ABCA12: variants seen among roughly 807,000 people sequenced by gnomAD.
The protein encoded by ABCA12 is ATP binding cassette subfamily A member 12, also known as glucosylceramide transporter ABCA12.
In ABCA12, 156 loss-of-function variants were observed where a neutral mutation model predicts 293.5. That is an observed-to-expected ratio of 0.53 (90% confidence interval 0.47 to 0.61). The LOEUF (loss-of-function observed/expected upper bound fraction) is 0.61, where lower values mean the gene tolerates loss of function less well. Among genes scored for constraint, ABCA12 ranks in the 20% least tolerant of loss-of-function variants. The probability of loss-of-function intolerance (pLI) is 0.00; values close to 1 mark genes in which losing one functional copy is unlikely to be tolerated. For missense variants in ABCA12, 2,797 were observed against 3,090.2 expected, an observed-to-expected ratio of 0.91 and a Z score of 2.25; for synonymous variants, 1,063 against 1,108.0, an observed-to-expected ratio of 0.96 and a Z score of 0.81.
chr2:214,963,481 G>C (rs1186065202), intron 39 of ABCA12, among the ~76,000 whole-genome samples: 1 of 151,746 alleles, frequency 6.6e-6, no homozygotes, highest in East Asian at 1.9e-4. Context: ...AATTCTACCA[G>C]AGTATAAAGA....
intron 22 of ABCA12, among the ~76,000 whole-genome samples, chr2:214,999,196 T>C (rs895437049): frequency 2.0e-5 from 3 of 152,198 alleles, no homozygotes; most frequent in African/African-American, 4.8e-5. Flanking sequence ...AATTTTGTTT[T>C]GGTTCAGGTA....
chr2:215,035,130 T>A (rs12615195), intron 8 of ABCA12, among the ~76,000 whole-genome samples: 35,731 of 152,022 alleles, frequency 0.24, 4,424 homozygotes, highest in East Asian at 0.39. Flanking sequence ...TCCCTGAAAG[T>A]TTCCTAGAAA....
intron 4 of ABCA12, 127 bp downstream of exon 4, chr2:215,054,446 A>T: frequency 1.2e-6 from 1 of 808,896 alleles, no homozygotes; most frequent in Non-Finnish European, 2.1e-6. Context: ...AGGAACGTTT[A>T]GATCTCACAG....
Position 214,933,993 on chromosome 2 carries a change from T to A in ABCA12, c.7680+85A>T. On this transcript the variant is annotated intron_variant, in intron 52 of 52. Transcript: ENST00000272895. ...GATATTAATTCAATTAAAAACAAAT[T>A]GAATGTAATTAAAAAGAAATAACCA... 1.2e-5 allele frequency: 17 copies of A among 1,412,126 alleles called. 1 individual carries two copies. In the South Asian group the frequency reaches 2.0e-4, roughly 16 times the overall value. The allele number at this position is 1,412,126 out of a possible 1,614,324, so 87.5% of individuals were successfully genotyped here.
Position 215,108,711 on chromosome 2 carries a change from T to A in ABCA12, c.163+2886A>T, listed in dbSNP as rs544001892. The stretch of plus-strand genomic sequence containing the variant: ...GAAACAAAGAAAAACAAGAGCAATT[T>A]AAAAAACAGGATAAAAGCATCTAAA... On this transcript the variant is annotated intron_variant, in intron 2 of 52. Coordinates refer to ENST00000272895, the MANE Select transcript of ABCA12 (RefSeq NM_173076.3). Among the ~76,000 whole-genome samples the A allele has an allele frequency of 2.0e-5, 3 of 152,200 alleles. No individual in the cohort carries two copies. The South Asian group carries it at 6.2e-4, about 32-fold the overall frequency.
chr2:215,060,526 TA>T (rs1701508520), intron 3 of ABCA12, among the ~76,000 whole-genome samples: 1 of 152,084 alleles, frequency 6.6e-6, no homozygotes, highest in African/African-American at 2.4e-5. Context: ...AACTATGTAG[TA>T]ACAAAAATGT....
chr2:215,064,755 A>G (rs1701609078), intron 2 of ABCA12, among the ~76,000 whole-genome samples: 1 of 151,416 alleles, frequency 6.6e-6, no homozygotes, highest in African/African-American at 2.4e-5. Flanking sequence ...AAAAATCCAA[A>G]AGATTGTATC....
rs374464976 is a variant in ABCA12, at chr2:215,011,925, A to G, written c.2121+46T>C. On this transcript the variant is annotated intron_variant, in intron 16 of 52. Coordinates refer to ENST00000272895, the MANE Select transcript of ABCA12 (RefSeq NM_173076.3). ...GAATGTATTATAACTACTCAATATG[A>G]CAGAAGGCATTTTTCAACAAGAACA... The G allele has an allele frequency of 2.8e-5, 45 of 1,589,272 alleles. 1 individual carries two copies. The African/African-American group carries it at 5.8e-4, about 21-fold the overall frequency.
Position 215,011,530 on chromosome 2 carries a change from C to G in ABCA12, c.2241G>C (p.Gln747His). Residue 747 changes from glutamine to histidine, a missense_variant, in exon 17 of 53, where the codon CAG (glutamine) becomes CAC (histidine). Physicochemically the swap from Gln to His is conservative, Grantham distance 24. This residue lies in a region of ABCA12 where 2,130 missense variants were observed against 2,427.0 expected (regional missense o/e 0.88). Coordinates refer to ENST00000272895, the MANE Select transcript of ABCA12 (RefSeq NM_173076.3). ...CCTTGGTGTGGTTGCCTTTTGGCCT[C>G]TGGGAAGAGGGCAGCATGGCAGTTA... The part of the protein sequence containing the change: ...EYLTAMLPSS[Q>H]RPKGNHTKDF... 1 of 1,614,000 alleles carries G rather than the reference C, an allele frequency of 6.2e-7. No individual in the cohort carries two copies. The highest frequency in any genetic ancestry group is 1.3e-5 in the African/African-American group (1 of 75,034).
intron 1 of ABCA12, among the ~76,000 whole-genome samples, chr2:215,133,264 T>G (rs967989883): frequency 4.1e-5 from 6 of 146,570 alleles, no homozygotes; most frequent in African/African-American, 1.5e-4. Context: ...ACAAGTGTTC[T>G]CTAAATTTAT....
chr2:215,022,397 G>A (rs577761030), intron 11 of ABCA12: 2 of 152,282 alleles, frequency 1.3e-5, no homozygotes, highest in Admixed American at 1.3e-4. Flanking sequence ...GCATTGAGAA[G>A]CATATCCACC....
intron 21 of ABCA12, 56 bp downstream of exon 21, chr2:215,001,502 A>C: frequency 6.2e-7 from 1 of 1,609,792 alleles, no homozygotes. Flanking sequence ...ATGAGGAAAG[A>C]ATTTGGCCAA....
intron 2 of ABCA12, among the ~76,000 whole-genome samples, chr2:215,100,459 G>C (rs946724109): frequency 3.9e-5 from 6 of 152,018 alleles, no homozygotes; most frequent in African/African-American, 1.4e-4. Context: ...TAAACATCCA[G>C]TAGTTTTCAT....
At chr2:214,935,519 G>T (rs1026921303) in intron 51 of ABCA12, among the ~76,000 whole-genome samples, 1 of 152,162 alleles carries the variant, frequency 6.6e-6, no homozygotes, top group Non-Finnish European at 1.5e-5. Flanking sequence ...AAGCTAGGCC[G>T]AGTGTGGTGG....
intron 52 of ABCA12, among the ~76,000 whole-genome samples, chr2:214,933,366 A>G (rs546842642): frequency 2.0e-5 from 3 of 152,256 alleles, no homozygotes; most frequent in East Asian, 3.9e-4. Flanking sequence ...CATTTTCAGG[A>G]AAGTCATGAT....
At chr2:215,032,759 A>G (rs1223423491) in intron 8 of ABCA12, among the ~76,000 whole-genome samples, 1 of 152,218 alleles carries the variant, frequency 6.6e-6, no homozygotes, top group East Asian at 1.9e-4. Context: ...CTCATTCCTT[A>G]TAAATAATCC....
At chr2:215,010,217 T>A in intron 18 of ABCA12, 114 bp downstream of exon 18, 1 of 1,309,370 alleles carries the variant, frequency 7.6e-7, no homozygotes, top group Non-Finnish European at 1.1e-6. Context: ...CCAAGGATAA[T>A]AATAATAGTA....
At chr2:215,061,091 A>G (rs921422785) in intron 3 of ABCA12, among the ~76,000 whole-genome samples, 4 of 152,042 alleles carry the variant, frequency 2.6e-5, no homozygotes, top group African/African-American at 9.7e-5. Flanking sequence ...ATAGATTCTG[A>G]GAGGCAGTGT....
At chr2:214,964,581 A>G (rs1308672707) in intron 39 of ABCA12, among the ~76,000 whole-genome samples, 1 of 152,102 alleles carries the variant, frequency 6.6e-6, no homozygotes, top group Non-Finnish European at 1.5e-5. Context: ...CTATACACCA[A>G]CAGCAGGCAA....
Sources: allele counts gnomAD v4.1 joint callset (sites outside exome capture counted in the v4.1 genomes callset), GRCh38; gene constraint gnomAD v4.1.1; regional missense constraint gnomAD v4.1.1; transcripts MANE v1.5; gene names NCBI Gene and HGNC (gene_info 2026-07-23, HGNC 2026-07-21).